Variants in TMEM132B observed in about 807,000 individuals in gnomAD.
TMEM132B encodes the protein transmembrane protein 132B.
TMEM132B carries 18 observed loss-of-function variants against 90.8 expected under a neutral mutation model. The observed-to-expected ratio is 0.20, with a 90% confidence interval of 0.14 to 0.29. TMEM132B has a LOEUF of 0.29. TMEM132B is among the 10% of genes least tolerant of loss of function. TMEM132B has a pLI of 1.00. For missense variants in TMEM132B, 1,096 were observed against 1,326.8 expected (o/e 0.83, Z 2.70); for synonymous variants, 504 against 523.3 (o/e 0.96, Z 0.50).
At chr12:125,505,447 C>G (rs1431990955) in intron 3 of TMEM132B, among the ~76,000 whole-genome samples, 3 of 151,896 alleles carry the variant, frequency 2.0e-5, no homozygotes, top group African/African-American at 7.3e-5. Flanking sequence ...GCCTGTAATC[C>G]CAGCACTTTG....
chr12:125,345,873 A>T lies in TMEM132B; in HGVS notation c.68-3579A>T, dbSNP rs563391521. On this transcript the variant is annotated intron_variant, in intron 1 of 8. Coordinates refer to ENST00000682704, the MANE Select transcript of TMEM132B (RefSeq NM_001366854.1). ...ATTTCACGTTCAGAACGCGGGCCAC[A>T]CGGTCTACCTGCCAATGGGAAAAAG... Among the ~76,000 whole-genome samples the T allele has an allele frequency of 2.6e-5, 4 of 152,314 alleles. No individual in the cohort carries two copies. In the South Asian group the frequency reaches 8.3e-4, roughly 32 times the overall value.
chr12:125,389,901 T>C (rs1878959547), intron 2 of TMEM132B, among the ~76,000 whole-genome samples: 2 of 152,204 alleles, frequency 1.3e-5, no homozygotes, highest in African/African-American at 2.4e-5. Context: ...TATATAGACA[T>C]ATACCCACAG....
At chr12:125,326,643 G>A (rs890952726) in intron 1 of TMEM132B, 1 of 1,608,134 alleles carries the variant, frequency 6.2e-7, no homozygotes, top group Admixed American at 1.7e-5. Flanking sequence ...GCAGCATCCA[G>A]AATGGACACC....
intron 2 of TMEM132B, among the ~76,000 whole-genome samples, chr12:125,404,412 G>A (rs574123745): frequency 6.6e-6 from 1 of 152,336 alleles, no homozygotes; most frequent in South Asian, 2.1e-4. Flanking sequence ...TGGAGAAGAA[G>A]TGTTTAGAAT....
intron 3 of TMEM132B, among the ~76,000 whole-genome samples, chr12:125,457,371 G>A (rs1020392901): frequency 6.6e-6 from 1 of 152,082 alleles, no homozygotes; most frequent in African/African-American, 2.4e-5. Context: ...AGGGTGAATC[G>A]GTCTCCTGTG....
intron 1 of TMEM132B, among the ~76,000 whole-genome samples, chr12:125,334,454 G>A (rs1688226): frequency 0.027 from 4,156 of 152,242 alleles, 196 homozygotes; most frequent in African/African-American, 0.094. Context: ...CCTTTTCAGC[G>A]GTTAAGTGGC....
At chr12:125,589,784 C>CT (rs1172983367) in intron 5 of TMEM132B, among the ~76,000 whole-genome samples, 1 of 152,088 alleles carries the variant, frequency 6.6e-6, no homozygotes, top group Non-Finnish European at 1.5e-5. Context: ...TGGGATGGTG[C>CT]TGAATCATTC....
chr12:125,657,805 C>T lies in TMEM132B; in HGVS notation c.*3095C>T, dbSNP rs1887104078. 1 of 152,254 alleles carries T rather than the reference C, an allele frequency of 6.6e-6. No homozygotes were observed. Among genetic ancestry groups the T allele is most frequent in the Non-Finnish European group, 1.5e-5 (1 of 68,072 alleles). The allele number at this position is 152,254 out of a possible 1,614,324, so 9.4% of individuals were successfully genotyped here. Reference sequence around the variant, plus strand: ...CACCAGCAAGCCTCTTGAGAAGGCACCAGACAGTGAACTCTGTGGTCACAT... The same window carrying T: ...CACCAGCAAGCCTCTTGAGAAGGCATCAGACAGTGAACTCTGTGGTCACAT... On this transcript the variant is annotated 3_prime_UTR_variant, in exon 9 of 9. Coordinates refer to ENST00000682704, the MANE Select transcript of TMEM132B (RefSeq NM_001366854.1).
intron 5 of TMEM132B, among the ~76,000 whole-genome samples, chr12:125,636,147 G>A (rs1447269911): frequency 6.6e-6 from 1 of 152,164 alleles, no homozygotes; most frequent in Non-Finnish European, 1.5e-5. Context: ...CCATGAAGGT[G>A]CTTTTTTGGT....
At chr12:125,500,321 T>C (rs1882665677) in intron 3 of TMEM132B, among the ~76,000 whole-genome samples, 2 of 152,210 alleles carry the variant, frequency 1.3e-5, no homozygotes, top group South Asian at 4.1e-4. Context: ...TGGTGGGGAA[T>C]CTCTACAAAT....
At chr12:125,517,896 G>A (rs1440959581) in intron 3 of TMEM132B, among the ~76,000 whole-genome samples, 2 of 152,196 alleles carry the variant, frequency 1.3e-5, no homozygotes, top group African/African-American at 4.8e-5. Context: ...CATGTGGCTG[G>A]TGAGCATTTG....
chr12:125,331,778 C>A (rs942358908), intron 1 of TMEM132B, among the ~76,000 whole-genome samples: 1 of 152,146 alleles, frequency 6.6e-6, no homozygotes, highest in Non-Finnish European at 1.5e-5. Context: ...TTTGGAGATG[C>A]GGTGTTGCTC....
At position 125,661,649 on chromosome 12, in the gene TMEM132B, T is replaced by A. The variant is rs1344845239; in HGVS notation, c.*6939T>A. ...TGGATTCCAAGAACAAAACCAATTG[T>A]CCAACCTCCATTACAGGGGTCTTCT... is the stretch of plus-strand genomic sequence containing the variant. On this transcript the variant is annotated 3_prime_UTR_variant, in exon 9 of 9. Coordinates refer to ENST00000682704, the MANE Select transcript of TMEM132B (RefSeq NM_001366854.1). 1 of 152,170 alleles carries A rather than the reference T, an allele frequency of 6.6e-6. No homozygotes were observed. Among genetic ancestry groups the A allele is most frequent in the Non-Finnish European group, 1.5e-5 (1 of 68,032 alleles). The allele number at this position is 152,170 out of a possible 1,614,324, so 9.4% of individuals were successfully genotyped here.
At chr12:125,316,283 G>A (rs1418426797) in intron 1 of TMEM132B, among the ~76,000 whole-genome samples, 1 of 152,160 alleles carries the variant, frequency 6.6e-6, no homozygotes, top group African/African-American at 2.4e-5. Flanking sequence ...CTTCAGAGCT[G>A]CCTGGCTTGA....
chr12:125,327,797 T>TA (rs1275467412), intron 1 of TMEM132B, among the ~76,000 whole-genome samples: 19 of 151,334 alleles, frequency 1.3e-4, no homozygotes, highest in African/African-American at 2.4e-4. Flanking sequence ...TCCAAGGTTT[T>TA]AAAAAAAAAA....
intron 1 of TMEM132B, among the ~76,000 whole-genome samples, chr12:125,310,084 A>G (rs2136175509): frequency 6.6e-6 from 1 of 152,224 alleles, no homozygotes; most frequent in Admixed American, 6.5e-5. Context: ...CAGGAGCTGC[A>G]TTTCCTTTTA....
At position 125,311,828 on chromosome 12, in the gene TMEM132B, A is replaced by T. The variant is rs889525605; in HGVS notation, c.68-37624A>T. The stretch of plus-strand genomic sequence containing the variant: ...TTCAGTAGCATGATATTTCCTTCTG[A>T]TCATGGGCCTTTTGGAAGCAGCCTA... On this transcript the variant is annotated intron_variant, in intron 1 of 8. Transcript: ENST00000682704. Among the ~76,000 whole-genome samples, 7 of 152,084 alleles carry T rather than the reference A, an allele frequency of 4.6e-5. No individual in the cohort carries two copies. In the South Asian group the frequency reaches 1.5e-3, roughly 32 times the overall value.
At chr12:125,292,796 A>G (rs543094809) in intron 1 of TMEM132B, among the ~76,000 whole-genome samples, 46 of 152,334 alleles carry the variant, frequency 3.0e-4, no homozygotes, top group Admixed American at 1.4e-3. Flanking sequence ...AGAAATGACA[A>G]GACTGAATCT....
In TMEM132B at chr12:125,653,973, C is replaced by T. The variant is rs1886995476; in HGVS notation, c.2515C>T (p.Arg839Cys). 2 of 1,614,004 alleles carry T rather than the reference C, an allele frequency of 1.2e-6. No homozygotes were observed. Among genetic ancestry groups the T allele is most frequent in the South Asian group, 1.1e-5 (1 of 91,076 alleles). The change falls in exon 9 of 9, where the codon CGT (arginine) becomes TGT (cysteine). Residue 839 changes from arginine (R) to cysteine (C), a missense_variant. Coordinates refer to ENST00000682704, the MANE Select transcript of TMEM132B (RefSeq NM_001366854.1). ...GAGAGCAGTCCAGGAATGGTTCCAC[C>T]GTGGCACACCTGTTGGCCAAGAGGA... ...QERAVQEWFHRGTPVGQEEST... is the reference protein window; with the variant it reads ...QERAVQEWFHCGTPVGQEEST...
Sources: allele counts gnomAD v4.1 joint callset (sites outside exome capture counted in the v4.1 genomes callset), GRCh38; gene constraint gnomAD v4.1.1; transcripts MANE v1.5; gene names NCBI Gene and HGNC (gene_info 2026-07-23, HGNC 2026-07-21).